The following ADAMTS18 variants were observed in gnomAD, a reference collection of about 807,000 sequenced individuals.
The protein encoded by ADAMTS18 is ADAM metallopeptidase with thrombospondin type 1 motif 18.
In ADAMTS18, 157 loss-of-function variants were observed where a neutral mutation model predicts 165.9. That is an observed-to-expected ratio of 0.95 (90% CI 0.83 to 1.08). The LOEUF is 1.08. ADAMTS18 is among the 50% of genes least tolerant of loss of function. The pLI is 0.00. For missense variants in ADAMTS18, 2,040 were observed against 1,534.0 expected, an observed-to-expected ratio of 1.33 and a Z score of -5.51; for synonymous variants, 782 against 578.2, an observed-to-expected ratio of 1.35 and a Z score of -5.06.
At position 77,285,681 on chromosome 16, in the gene ADAMTS18, A is replaced by C. The variant is rs554359496; in HGVS notation, c.3551-1610T>G. ...CAGTATAAGTGCTTTTTTTGATTAT[A>C]ATTACTAACAGCTGGTTGTTTGAGC... On this transcript the variant is annotated intron_variant, in intron 22 of 22. Transcript: ENST00000282849. 9.9e-5 allele frequency among the ~76,000 whole-genome samples: 15 copies of C among 152,262 alleles called. No homozygotes were observed. The South Asian group carries it at 3.1e-3, about 32-fold the overall frequency.
chr16:77,389,664 C>A (rs557998729), intron 3 of ADAMTS18, among the ~76,000 whole-genome samples: 3 of 152,264 alleles, frequency 2.0e-5, no homozygotes, highest in South Asian at 2.1e-4. Flanking sequence ...CTGATAAATT[C>A]TTCGAAAGGT....
intron 3 of ADAMTS18, among the ~76,000 whole-genome samples, chr16:77,394,507 CA>C (rs1039029290): frequency 3.3e-5 from 5 of 150,698 alleles, no homozygotes; most frequent in Admixed American, 6.6e-5. Context: ...TCAGGGAAAG[CA>C]AAAAAAACTA....
In ADAMTS18 at chr16:77,369,952, T is replaced by C. The variant is rs1052117831; in HGVS notation, c.496-2229A>G. Among the ~76,000 whole-genome samples the C allele has an allele frequency of 3.3e-5, 5 of 152,174 alleles. No individual in the cohort carries two copies. In the East Asian group the frequency reaches 7.7e-4, roughly 23 times the overall value. On this transcript the variant is annotated intron_variant, in intron 3 of 22. Coordinates refer to ENST00000282849, the MANE Select transcript of ADAMTS18 (RefSeq NM_199355.4). ...AACATACATTAATCAACAAACATGATATATCACATTAACAGAATCAACAAC... is the reference window on the plus strand; with the variant it reads ...AACATACATTAATCAACAAACATGACATATCACATTAACAGAATCAACAAC...
rs771806270 is a variant in ADAMTS18 at position 77,335,776 on chromosome 16, C to G, written c.1839G>C (p.Glu613Asp). The part of the protein sequence containing the change: ...RTCGGGVKFQ[E>D]RHCNNPKPQY... ...CTTACTTGGGGTTATTGCAGTGTCT[C>G]TCCTGGAACTTGACTCCTCCACCAC... The change falls in exon 12 of 23, where the codon GAG (glutamate) becomes GAC (aspartate). Residue 613 changes from glutamate to aspartate, a missense_variant. Transcript: ENST00000282849. 5 of 1,614,092 alleles carry G rather than the reference C, an allele frequency of 3.1e-6. No individual in the cohort carries two copies. The highest frequency in any genetic ancestry group is 4.2e-6 in the Non-Finnish European group (5 of 1,180,042).
chr16:77,345,230 T>C (rs528244444), intron 10 of ADAMTS18, among the ~76,000 whole-genome samples: 147 of 152,312 alleles, frequency 9.7e-4, no homozygotes, highest in African/African-American at 3.5e-3. Flanking sequence ...CCAAATTTTA[T>C]GAAGCATTAC....
At chr16:77,422,540 GA>G (rs59113433) in intron 3 of ADAMTS18, among the ~76,000 whole-genome samples, 13 of 142,108 alleles carry the variant, frequency 9.1e-5, no homozygotes, top group East Asian at 2.1e-4. Flanking sequence ...AGAGGAGAGT[GA>G]AAAAAAAAGA....
intron 3 of ADAMTS18, among the ~76,000 whole-genome samples, chr16:77,382,850 G>T (rs148313004): frequency 7.9e-4 from 120 of 152,290 alleles, no homozygotes; most frequent in African/African-American, 2.7e-3. Flanking sequence ...CTTTGCTGCT[G>T]GGTCTGCTAA....
chr16:77,363,753 A>G (rs2056750213), intron 6 of ADAMTS18, 49 bp downstream of exon 6: 3 of 1,554,982 alleles, frequency 1.9e-6, no homozygotes, highest in Admixed American at 3.3e-5. Context: ...CAAGAAATGT[A>G]TTCTGAACGG....
intron 2 of ADAMTS18, 181 bp from the exon 3 acceptor site, chr16:77,431,792 C>G: frequency 1.5e-6 from 1 of 670,902 alleles, no homozygotes; most frequent in Non-Finnish European, 2.6e-6. Flanking sequence ...CTACAACTAA[C>G]TCGGCCACAG....
intron 3 of ADAMTS18, among the ~76,000 whole-genome samples, chr16:77,370,864 A>G (rs1244969079): frequency 1.3e-5 from 2 of 152,090 alleles, no homozygotes; most frequent in Non-Finnish European, 2.9e-5. Context: ...TCTACAATGA[A>G]AACTATAAAA....
At position 77,296,899 on chromosome 16, in the gene ADAMTS18, C is replaced by A. The variant is rs112278937; in HGVS notation, c.2801+390G>T. Among the ~76,000 whole-genome samples the A allele has an allele frequency of 1.8e-3, 271 of 152,320 alleles. 5 individuals carry two copies. Among genetic ancestry groups the A allele is most frequent in the African/African-American group, 6.3e-3 (263 of 41,580 alleles). ...AAATAGCCAGTAAATTTATTCCTGGCTATCAAGCCAAAGTCAAGTGAGTAC... is the reference window on the plus strand; with the variant it reads ...AAATAGCCAGTAAATTTATTCCTGGATATCAAGCCAAAGTCAAGTGAGTAC... On this transcript the variant is annotated intron_variant, in intron 18 of 22. Coordinates refer to ENST00000282849, the MANE Select transcript of ADAMTS18 (RefSeq NM_199355.4).
In ADAMTS18 at chr16:77,326,095, A is replaced by G. The variant is rs1465327796; in HGVS notation, c.1860-57T>C. On this transcript the variant is annotated intron_variant, in intron 12 of 22. Coordinates refer to ENST00000282849, the MANE Select transcript of ADAMTS18 (RefSeq NM_199355.4). Reference sequence around the variant, plus strand: ...GTAATCAAAGGGCTCATTATTAGTCACATGCAATAATATGAAGAGAGGCAA... The same window carrying G: ...GTAATCAAAGGGCTCATTATTAGTCGCATGCAATAATATGAAGAGAGGCAA... 1.1e-5 allele frequency: 17 copies of G among 1,521,654 alleles called. No individual in the cohort carries two copies. The African/African-American group carries it at 1.5e-4, about 13-fold the overall frequency. The allele number at this position is 1,521,654 out of a possible 1,614,324, so 94.3% of individuals were successfully genotyped here. A position where few individuals can be genotyped will look rare whatever the true frequency, so the allele number is the denominator to read the frequency against.
intron 7 of ADAMTS18, among the ~76,000 whole-genome samples, chr16:77,361,120 A>C (rs2056707002): frequency 6.6e-6 from 1 of 152,196 alleles, no homozygotes; most frequent in Non-Finnish European, 1.5e-5. Context: ...AGTTTTATTA[A>C]AACACATCTG....
At chr16:77,410,281 A>C (rs1395014821) in intron 3 of ADAMTS18, among the ~76,000 whole-genome samples, 1 of 132,354 alleles carries the variant, frequency 7.6e-6, no homozygotes, top group Non-Finnish European at 1.7e-5. Context: ...AATTGGTTGC[A>C]ACCCAAATTT....
chr16:77,299,158 A>G (rs1326802881), intron 17 of ADAMTS18, among the ~76,000 whole-genome samples: 1 of 152,242 alleles, frequency 6.6e-6, no homozygotes, highest in African/African-American at 2.4e-5. Flanking sequence ...CTATAACATG[A>G]TTTCAGTACA....
intron 8 of ADAMTS18, among the ~76,000 whole-genome samples, chr16:77,359,076 C>T (rs527625274): frequency 3.3e-5 from 5 of 152,122 alleles, no homozygotes; most frequent in Non-Finnish European, 7.3e-5. Context: ...GCCTAGCAGC[C>T]CAGAGACCCC....
At chr16:77,396,568 T>C (rs148541681) in intron 3 of ADAMTS18, among the ~76,000 whole-genome samples, 111 of 152,284 alleles carry the variant, frequency 7.3e-4, no homozygotes, top group African/African-American at 2.6e-3. Context: ...TGAAGGTAGG[T>C]ATCTTAATCG....
chr16:77,367,505 A>C lies in ADAMTS18; in HGVS notation c.714T>G (p.Ser238Arg). ...SPSHIPHASQSRETEYHHRRL... is the reference protein window; with the variant it reads ...SPSHIPHASQRRETEYHHRRL... ...TTCGATGGTGATACTCTGTCTCTCGACTCTGAGATGCATGGGGAATGTGAC... is the reference window on the plus strand; with the variant it reads ...TTCGATGGTGATACTCTGTCTCTCGCCTCTGAGATGCATGGGGAATGTGAC... Residue 238 changes from serine to arginine, a missense_variant, in exon 4 of 23, where the codon AGT becomes AGG. Physicochemically the swap from Ser to Arg is moderately radical, Grantham distance 110. Transcript: ENST00000282849. 2 of 1,614,174 alleles carry C rather than the reference A, an allele frequency of 1.2e-6. No individual in the cohort carries two copies. Among genetic ancestry groups the C allele is most frequent in the Non-Finnish European group, 1.7e-6 (2 of 1,180,024 alleles).
chr16:77,401,222 C>A (rs943949887), intron 3 of ADAMTS18, among the ~76,000 whole-genome samples: 2 of 152,104 alleles, frequency 1.3e-5, no homozygotes, highest in Non-Finnish European at 2.9e-5. Flanking sequence ...CCACTTCACT[C>A]CAGCCTGGGC....
Sources: allele counts gnomAD v4.1 joint callset (sites outside exome capture counted in the v4.1 genomes callset), GRCh38; gene constraint gnomAD v4.1.1; transcripts MANE v1.5; gene names NCBI Gene and HGNC (gene_info 2026-07-23, HGNC 2026-07-21).